The following SMCHD1 variants were observed in gnomAD, a reference collection of about 807,000 sequenced individuals.
SMCHD1 encodes the protein structural maintenance of chromosomes flexible hinge domain containing 1, also known as structural maintenance of chromosomes flexible hinge domain-containing protein 1.
In SMCHD1, 78 loss-of-function variants were observed where a neutral mutation model predicts 254.7. That is an observed-to-expected ratio of 0.31 (90% confidence interval 0.26 to 0.37). The LOEUF (loss-of-function observed/expected upper bound fraction) is 0.37. Among genes scored for constraint, SMCHD1 ranks in the 10% least tolerant of loss-of-function variants. The probability of loss-of-function intolerance (pLI) is 1.00; values close to 1 mark genes in which losing one functional copy is unlikely to be tolerated. For synonymous variants in SMCHD1, 766 were observed against 794.9 expected (o/e 0.96, Z 0.61); for missense variants, 1,840 against 2,408.1 (o/e 0.76, Z 4.94).
rs993029322 is a variant in SMCHD1 at position 2,669,464 on chromosome 18, C to T, written c.424+2433C>T. 1.1e-4 allele frequency among the ~76,000 whole-genome samples: 16 copies of T among 152,256 alleles called. 1 individual carries two copies. The highest frequency in any genetic ancestry group is 1.0e-3 in the South Asian group (5 of 4,816). On this transcript the variant is annotated intron_variant, in intron 3 of 47. Transcript: ENST00000320876. ...TTCTCCTGCCTTGGTCTCTCAAAGCCGTGGGATTATAAGCACCTTGATTTT... is the reference window on the plus strand; with the variant it reads ...TTCTCCTGCCTTGGTCTCTCAAAGCTGTGGGATTATAAGCACCTTGATTTT...
Position 2,772,111 on chromosome 18 carries a change from G to T in SMCHD1, c.5053-139G>T, listed in dbSNP as rs571906666. 5.4e-5 allele frequency: 30 copies of T among 559,630 alleles called. 1 individual carries two copies. In the South Asian group the frequency reaches 1.5e-3, roughly 28 times the overall value. The allele number at this position is 559,630 out of a possible 1,614,324, so 34.7% of individuals were successfully genotyped here. On this transcript the variant is annotated intron_variant, in intron 40 of 47. Coordinates refer to ENST00000320876, the MANE Select transcript of SMCHD1 (RefSeq NM_015295.3). ...TTGTGTGTGTGTGTATTTTCTGATA[G>T]TTTTTTTTTTAATAATGCCTACTTA... is the stretch of plus-strand genomic sequence containing the variant.
At position 2,750,128 on chromosome 18, in the gene SMCHD1, A is replaced by T; in HGVS notation, c.4007+6A>T. Reference sequence around the variant, plus strand: ...TTCAGTGTTTTTGCCCCTAGGTAAGAACCAAAAGTTTGATAGTTGTTGGTG... The same window carrying T: ...TTCAGTGTTTTTGCCCCTAGGTAAGTACCAAAAGTTTGATAGTTGTTGGTG... On this transcript the variant is annotated splice_donor_region_variant and intron_variant, in intron 31 of 47. Transcript: ENST00000320876. 6.4e-7 allele frequency: 1 copy of T among 1,574,402 alleles called. No individual in the cohort carries two copies. The highest frequency in any genetic ancestry group is 2.3e-5 in the East Asian group (1 of 43,512).
chr18:2,765,770 AT>A (rs2075855720), intron 37 of SMCHD1, among the ~76,000 whole-genome samples: 1 of 152,146 alleles, frequency 6.6e-6, no homozygotes, highest in South Asian at 2.1e-4. Context: ...TTTACCACTT[AT>A]ATTCACACTT....
chr18:2,703,495 T>G (rs1250969883), intron 12 of SMCHD1, among the ~76,000 whole-genome samples, 197 bp from the exon 13 acceptor site: 1 of 152,174 alleles, frequency 6.6e-6, no homozygotes, highest in Admixed American at 6.5e-5. Context: ...AATATCAAAT[T>G]TTTCTTCTTT....
At chr18:2,727,151 A>C (rs187874031) in intron 22 of SMCHD1, 4 of 152,254 alleles carry the variant, frequency 2.6e-5, no homozygotes, top group Admixed American at 2.0e-4. Flanking sequence ...GTTCTGTAGT[A>C]CTCAATGGAG....
intron 1 of SMCHD1, among the ~76,000 whole-genome samples, chr18:2,657,066 A>G (rs530063754): frequency 6.6e-6 from 1 of 152,332 alleles, no homozygotes; most frequent in South Asian, 2.1e-4. Context: ...GAATATTGTC[A>G]TGCTCTGAAT....
At chr18:2,746,740 T>G (rs932950913) in intron 29 of SMCHD1, among the ~76,000 whole-genome samples, 3 of 152,090 alleles carry the variant, frequency 2.0e-5, no homozygotes, top group Admixed American at 6.6e-5. Flanking sequence ...ATAAATCAGT[T>G]TTTTTTTGTA....
rs755944894 is a variant in SMCHD1 at position 2,775,827 on chromosome 18, A to G, written c.5269A>G (p.Thr1757Ala). The change falls in exon 42 of 48, where the codon ACT becomes GCT. Residue 1757 changes from threonine to alanine, a missense_variant. Thr to Ala is a moderately conservative substitution (Grantham distance 58, BLOSUM62 0). Transcript: ENST00000320876. ...SDMDCVVTLT[T>A]DAARRIYDET... ...CATGGACTGTGTAGTCACCCTAACC[A>G]CTGACGCTGCACGTCGTATCTATGA... is the stretch of plus-strand genomic sequence containing the variant. The G allele has an allele frequency of 5.0e-6, 8 of 1,612,840 alleles. No individual in the cohort carries two copies. The highest frequency in any genetic ancestry group is 6.8e-6 in the Non-Finnish European group (8 of 1,179,572).
chr18:2,664,359 G>GTTT (rs144254713), intron 1 of SMCHD1, among the ~76,000 whole-genome samples: 1 of 148,154 alleles, frequency 6.7e-6, no homozygotes, highest in Non-Finnish European at 1.5e-5. Flanking sequence ...CATTAAATTT[G>GTTT]TTTTTTTTTT....
At chr18:2,737,445 A>G (rs913174120) in intron 25 of SMCHD1, among the ~76,000 whole-genome samples, 1 of 152,174 alleles carries the variant, frequency 6.6e-6, no homozygotes, top group Non-Finnish European at 1.5e-5. Context: ...TTAAGGCCAG[A>G]TGTGGTGGCT....
At chr18:2,764,517 G>A (rs1048265001) in intron 37 of SMCHD1, among the ~76,000 whole-genome samples, 4 of 152,086 alleles carry the variant, frequency 2.6e-5, no homozygotes, top group African/African-American at 9.7e-5. Context: ...TATCAACAGT[G>A]CTTCCATTAG....
chr18:2,666,255 T>A, intron 2 of SMCHD1, 23 bp downstream of exon 2: 1 of 1,139,448 alleles, frequency 8.8e-7, no homozygotes, highest in South Asian at 1.4e-5. Context: ...TGTTACTAAG[T>A]TGATGCTTTT....
At position 2,804,256 on chromosome 18, in the gene SMCHD1, A is replaced by T. The variant is rs2076410921; in HGVS notation, c.*1704A>T. On this transcript the variant is annotated 3_prime_UTR_variant, in exon 48 of 48. Coordinates refer to ENST00000320876, the MANE Select transcript of SMCHD1 (RefSeq NM_015295.3). ...CATTGAGACTATCTAGAAGCAAAAA[A>T]GTTGGTTTTAAAAATTCTTTTTATT... is the stretch of plus-strand genomic sequence containing the variant. 1 of 152,254 alleles carries T rather than the reference A, an allele frequency of 6.6e-6. No individual in the cohort carries two copies. Among genetic ancestry groups the T allele is most frequent in the African/African-American group, 2.4e-5 (1 of 41,470 alleles). 9.4% of individuals were successfully genotyped at this position (152,254 alleles called of 1,614,324 possible). A position where few individuals can be genotyped will look rare whatever the true frequency, so the allele number is the denominator to read the frequency against.
chr18:2,795,364 A>G (rs528337617), intron 45 of SMCHD1, among the ~76,000 whole-genome samples: 3 of 152,170 alleles, frequency 2.0e-5, no homozygotes, highest in Non-Finnish European at 4.4e-5. Context: ...CAGCCTAAAA[A>G]TTCTGTGTTT....
Position 2,775,823 on chromosome 18 carries a change from A to G in SMCHD1, c.5265A>G (p.Leu1755=), listed in dbSNP as rs2076057184. The stretch of plus-strand genomic sequence containing the variant: ...GTGACATGGACTGTGTAGTCACCCT[A>G]ACCACTGACGCTGCACGTCGTATCT... ...LASDMDCVVT[L]TTDAARRIYD... Residue 1755 remains leucine (L), a synonymous_variant, in exon 42 of 48, where the codon CTA becomes CTG. Transcript: ENST00000320876. 3.1e-6 allele frequency: 5 copies of G among 1,613,054 alleles called. No homozygotes were observed. The East Asian group carries it at 1.1e-4, about 36-fold the overall frequency.
intron 24 of SMCHD1, 34 bp from the exon 25 acceptor site, chr18:2,732,231 A>G (rs2075155393): frequency 6.5e-7 from 1 of 1,533,470 alleles, no homozygotes; most frequent in Non-Finnish European, 9.0e-7. Context: ...CAGTACAGAT[A>G]TCACTCAGTG....
In SMCHD1 at chr18:2,765,996, G is replaced by GTTTTCTTTCTTTTTTTTTT. The variant is rs1555650871; in HGVS notation, c.4719+2215_4719+2216insCTTTTTTTTTTTTTTCTTT. 9.2e-4 allele frequency among the ~76,000 whole-genome samples: 130 copies of GTTTTCTTTCTTTTTTTTTT among 140,768 alleles called. 2 individuals are homozygous for GTTTTCTTTCTTTTTTTTTT. The highest frequency in any genetic ancestry group is 1.7e-3 in the Non-Finnish European group (107 of 63,944). 92.3% of individuals were successfully genotyped at this position (140,768 alleles called of 152,430 possible). On this transcript the variant is annotated intron_variant, in intron 37 of 47. Transcript: ENST00000320876. Reference sequence around the variant, plus strand: ...CTGTTTTCCTGTTTAGCTATGTCCAGTTTTCTTTTTTTTTGGAGACAGAGT... The same window carrying GTTTTCTTTCTTTTTTTTTT: ...CTGTTTTCCTGTTTAGCTATGTCCAGTTTTCTTTCTTTTTTTTTTTTTTCTTTTTTTTTGGAGACAGAGT...
intron 47 of SMCHD1, chr18:2,796,750 T>A: frequency 2.3e-6 from 1 of 438,334 alleles, no homozygotes; most frequent in East Asian, 4.8e-5. Flanking sequence ...TTGGCTAATT[T>A]TTTGTATTTT....
intron 28 of SMCHD1, among the ~76,000 whole-genome samples, chr18:2,742,865 C>T (rs7232688): frequency 9.2e-4 from 140 of 152,086 alleles, no homozygotes; most frequent in African/African-American, 3.2e-3. Context: ...TTTGTAGAGA[C>T]GGGGTCTTAC....
Sources: gnomAD v4.1 joint callset for allele counts (sites outside exome capture counted in the v4.1 genomes callset) on GRCh38, gnomAD v4.1.1 for gene constraint, MANE v1.5 for transcripts, NCBI Gene and HGNC (gene_info 2026-07-23, HGNC 2026-07-21) for gene names.